Variants in MAGI1 observed in about 807,000 individuals in gnomAD.
MAGI1 encodes membrane associated guanylate kinase, WW and PDZ domain containing 1.
MAGI1 carries 58 observed loss-of-function variants against 139.9 expected under a neutral mutation model. The observed-to-expected ratio is 0.41, with a 90% confidence interval of 0.34 to 0.52. The LOEUF is 0.52. Among genes scored for constraint, MAGI1 ranks in the 20% least tolerant of loss-of-function variants. The probability of loss-of-function intolerance (pLI) is 0.12; values close to 1 mark genes in which losing one functional copy is unlikely to be tolerated. For missense variants in MAGI1, 1,874 were observed against 1,901.6 expected, an observed-to-expected ratio of 0.99 and a Z score of 0.27; for synonymous variants, 812 against 737.9, an observed-to-expected ratio of 1.10 and a Z score of -1.63.
chr3:65,640,932 CTG>C (rs1262817148), intron 1 of MAGI1, among the ~76,000 whole-genome samples: 1 of 152,150 alleles, frequency 6.6e-6, no homozygotes, highest in African/African-American at 2.4e-5. Flanking sequence ...CCTTTGGGAA[CTG>C]TGACACCCTC....
intron 1 of MAGI1, among the ~76,000 whole-genome samples, chr3:65,637,466 A>G (rs1269667389): frequency 6.6e-6 from 1 of 151,862 alleles, no homozygotes; most frequent in East Asian, 1.9e-4. Context: ...AGTTGGGAGA[A>G]TCACCTGGGC....
intron 2 of MAGI1, among the ~76,000 whole-genome samples, chr3:65,577,355 CA>C (rs1434026358): frequency 7.2e-5 from 11 of 151,950 alleles, no homozygotes; most frequent in African/African-American, 2.4e-4. Flanking sequence ...TAAACAAAGG[CA>C]AAATCAGAGC....
intron 1 of MAGI1, among the ~76,000 whole-genome samples, chr3:65,994,315 A>C (rs2066331369): frequency 6.6e-6 from 1 of 151,770 alleles, no homozygotes; most frequent in Admixed American, 6.6e-5. Context: ...TAAAGCATGA[A>C]AGTGAGTGGT....
rs538683072 is a variant in MAGI1, at chr3:65,776,819, G to A, written c.314-154731C>T. Reference sequence around the variant, plus strand: ...GTGATTCATGAACAAAGAGTCATTCGATCTCTTCCATCAGACTTTTCTGCA... The same window carrying A: ...GTGATTCATGAACAAAGAGTCATTCAATCTCTTCCATCAGACTTTTCTGCA... On this transcript the variant is annotated intron_variant, in intron 1 of 22. Transcript: ENST00000402939. 3.9e-5 allele frequency among the ~76,000 whole-genome samples: 6 copies of A among 152,260 alleles called. No individual in the cohort carries two copies. In the East Asian group the frequency reaches 1.2e-3, roughly 29 times the overall value.
chr3:65,465,962 T>G (rs1033027201), intron 5 of MAGI1, among the ~76,000 whole-genome samples: 3 of 152,162 alleles, frequency 2.0e-5, no homozygotes, highest in African/African-American at 7.2e-5. Flanking sequence ...ATTGGGTAAT[T>G]TCTATTTTCA....
At chr3:65,448,743 G>A (rs1948832620) in intron 6 of MAGI1, among the ~76,000 whole-genome samples, 1 of 151,516 alleles carries the variant, frequency 6.6e-6, no homozygotes, top group Admixed American at 6.6e-5. Flanking sequence ...CTAAGTCAAG[G>A]AGCTCAGAAA....
intron 1 of MAGI1, among the ~76,000 whole-genome samples, chr3:65,682,800 A>G (rs999576136): frequency 9.2e-5 from 14 of 152,194 alleles, no homozygotes; most frequent in African/African-American, 3.4e-4. Context: ...GAAAAAGAAC[A>G]GTAACAGGCA....
chr3:65,736,800 C>G (rs1329694693), intron 1 of MAGI1, among the ~76,000 whole-genome samples: 2 of 152,196 alleles, frequency 1.3e-5, no homozygotes, highest in African/African-American at 4.8e-5. Context: ...AAATGCAAAC[C>G]TCTTCCAGAA....
At chr3:65,699,886 A>T (rs2089479455) in intron 1 of MAGI1, among the ~76,000 whole-genome samples, 2 of 150,192 alleles carry the variant, frequency 1.3e-5, no homozygotes, top group Non-Finnish European at 2.9e-5. Flanking sequence ...ATAAAAAAAT[A>T]AAAATTAAAA....
chr3:65,599,557 C>T (rs1379206569), intron 2 of MAGI1, among the ~76,000 whole-genome samples: 1 of 152,146 alleles, frequency 6.6e-6, no homozygotes, highest in Admixed American at 6.5e-5. Flanking sequence ...TAATTACTTG[C>T]CTGTTTCCCC....
chr3:66,003,844 G>A (rs1291848195), intron 1 of MAGI1: 2 of 152,060 alleles, frequency 1.3e-5, no homozygotes, highest in Non-Finnish European at 2.9e-5. Context: ...TTGGTTTTTG[G>A]TTAGTCAAGT....
chr3:65,928,562 T>C (rs969625633), intron 1 of MAGI1, among the ~76,000 whole-genome samples: 1 of 152,156 alleles, frequency 6.6e-6, no homozygotes, highest in East Asian at 1.9e-4. Flanking sequence ...CTCAACATTG[T>C]CACGGTGGCA....
intron 1 of MAGI1, among the ~76,000 whole-genome samples, chr3:65,756,846 T>C (rs2036603587): frequency 6.6e-6 from 1 of 152,230 alleles, no homozygotes; most frequent in African/African-American, 2.4e-5. Flanking sequence ...AAACACACCA[T>C]CATACAAGGA....
At position 65,612,628 on chromosome 3, in the gene MAGI1, G is replaced by T. The variant is rs115666493; in HGVS notation, c.430+9344C>A. On this transcript the variant is annotated intron_variant, in intron 2 of 22. Transcript: ENST00000402939. ...CATTCCCCAACACAAACTAGGTAGGGCAATCAGAACACAATTGGTGAAATT... is the reference window on the plus strand; with the variant it reads ...CATTCCCCAACACAAACTAGGTAGGTCAATCAGAACACAATTGGTGAAATT... Among the ~76,000 whole-genome samples the T allele has an allele frequency of 6.3e-3, 953 of 152,140 alleles. 5 individuals carry two copies. Among genetic ancestry groups the T allele is most frequent in the African/African-American group, 0.022 (913 of 41,492 alleles).
chr3:65,487,497 C>A (rs1951703758), intron 3 of MAGI1, among the ~76,000 whole-genome samples: 1 of 152,196 alleles, frequency 6.6e-6, no homozygotes, highest in South Asian at 2.1e-4. Context: ...GTCCCTAACT[C>A]CCTGAAGTAT....
chr3:65,776,415 G>A (rs944378189), intron 1 of MAGI1, among the ~76,000 whole-genome samples: 1 of 151,782 alleles, frequency 6.6e-6, no homozygotes, highest in African/African-American at 2.4e-5. Context: ...CTGAGTCCCA[G>A]GAAACACAAT....
intron 5 of MAGI1, 147 bp downstream of exon 5, chr3:65,470,135 TA>T (rs956181951): frequency 3.4e-6 from 2 of 587,574 alleles, no homozygotes; most frequent in African/African-American, 1.9e-5. Flanking sequence ...ATTACCTTTT[TA>T]TGCAAAACTT....
At chr3:65,952,054 GT>G (rs1394913157) in intron 1 of MAGI1, among the ~76,000 whole-genome samples, 1 of 152,176 alleles carries the variant, frequency 6.6e-6, no homozygotes. Flanking sequence ...ACTGTGGTTT[GT>G]TGCCTACATT....
chr3:65,699,448 T>A (rs1413902475), intron 1 of MAGI1, among the ~76,000 whole-genome samples: 1 of 146,312 alleles, frequency 6.8e-6, no homozygotes, highest in Non-Finnish European at 1.5e-5. Context: ...TGCGGCATTA[T>A]TCACAATAGC....
Sources: allele counts gnomAD v4.1 joint callset (sites outside exome capture counted in the v4.1 genomes callset), GRCh38; gene constraint gnomAD v4.1.1; transcripts MANE v1.5; gene names NCBI Gene and HGNC (gene_info 2026-07-23, HGNC 2026-07-21).